Variants in ABHD2 observed in about 807,000 individuals in gnomAD.
The protein encoded by ABHD2 is monoacylglycerol lipase ABHD2.
ABHD2 carries 20 observed loss-of-function variants against 48.1 expected under a neutral mutation model. The observed-to-expected ratio is 0.42, with a 90% CI of 0.29 to 0.60. ABHD2 has a LOEUF of 0.60. ABHD2 is among the 20% of genes least tolerant of loss of function. ABHD2 has a pLI of 0.24. For missense variants in ABHD2, 405 were observed against 550.9 expected (o/e 0.74, Z 2.65); for synonymous variants, 209 against 214.2 (o/e 0.98, Z 0.21).
the ABHD2 span, among the ~76,000 whole-genome samples, chr15:89,060,041 GC>G: frequency 1.4e-5 from 2 of 145,608 alleles, no homozygotes; most frequent in Non-Finnish European, 3.0e-5. Flanking sequence ...TCATTGAAAA[GC>G]TTGTCCCTTC....
At chr15:89,154,492 A>ATC (rs199988887) in intron 4 of ABHD2, among the ~76,000 whole-genome samples, 2,139 of 152,258 alleles carry the variant, frequency 0.014, 30 homozygotes, top group Admixed American at 0.019. Context: ...CAGTGAAAGT[A>ATC]TCTCTCTCTC....
chr15:89,190,812 G>A (rs77878689), intron 8 of ABHD2, among the ~76,000 whole-genome samples: 216 of 152,228 alleles, frequency 1.4e-3, no homozygotes, highest in Non-Finnish European at 2.5e-3. Context: ...GTAAATAACC[G>A]AAGCAGGATT....
the ABHD2 span, among the ~76,000 whole-genome samples, chr15:89,072,497 G>T: frequency 1.4e-5 from 2 of 144,714 alleles, no homozygotes; most frequent in Non-Finnish European, 3.0e-5. Context: ...GGAGGGGAAG[G>T]AGAAGGGGAA....
At chr15:89,068,430 C>G in the ABHD2 span, among the ~76,000 whole-genome samples, 6 of 152,154 alleles carry the variant, frequency 3.9e-5, no homozygotes, top group African/African-American at 1.4e-4. Context: ...CTGAGAATGA[C>G]TCAACAATTG....
At chr15:89,043,751 A>G in the ABHD2 span, among the ~76,000 whole-genome samples, 1 of 145,734 alleles carries the variant, frequency 6.9e-6, no homozygotes, top group African/African-American at 2.6e-5. Flanking sequence ...AGGAGGAGGA[A>G]GAGGAGAAGA....
At chr15:89,157,626 G>A (rs201965170) in intron 5 of ABHD2, among the ~76,000 whole-genome samples, 3 of 152,222 alleles carry the variant, frequency 2.0e-5, no homozygotes, top group Admixed American at 6.5e-5. Context: ...GGCAGATCAC[G>A]AGGTCAGGAG....
intron 1 of ABHD2, among the ~76,000 whole-genome samples, chr15:89,110,437 C>T (rs750002347): frequency 1.6e-4 from 25 of 152,214 alleles, no homozygotes; most frequent in East Asian, 7.7e-4. Flanking sequence ...GTACTTCATT[C>T]GCTAAGGCTG....
Position 89,155,292 on chromosome 15 carries a change from C to G in ABHD2, c.371-75C>G, listed in dbSNP as rs1348381606. 1.3e-5 allele frequency: 19 copies of G among 1,479,530 alleles called. No individual in the cohort carries two copies. Among genetic ancestry groups the G allele is most frequent in the Non-Finnish European group, 1.6e-5 (17 of 1,077,144 alleles). 91.7% of individuals were successfully genotyped at this position (1,479,530 alleles called of 1,614,324 possible). A position where few individuals can be genotyped will look rare whatever the true frequency, so the allele number is the denominator to read the frequency against. The stretch of plus-strand genomic sequence containing the variant: ...AATTCCCTCCCCTTGTTTTCTAGAC[C>G]AGTGAAGTGTAATTATGTCCATTTA... On this transcript the variant is annotated intron_variant, in intron 4 of 10. Coordinates refer to ENST00000352732, the MANE Select transcript of ABHD2 (RefSeq NM_152924.5). This position sits in a 1 kb window ranked among gnomAD's most constrained non-coding sequence, Gnocchi z 4.9.
Position 89,116,467 on chromosome 15 carries a change from A to G in ABHD2, c.140A>G (p.Gln47Arg), listed in dbSNP as rs2150815239. 1 of 1,614,202 alleles carries G rather than the reference A, an allele frequency of 6.2e-7. No individual in the cohort carries two copies. Residue 47 changes from glutamine (Q) to arginine (R), a missense_variant, in exon 3 of 11, where the codon CAG (glutamine) becomes CGG (arginine). Coordinates refer to ENST00000352732, the MANE Select transcript of ABHD2 (RefSeq NM_152924.5). The surrounding 1 kb of genome is among the most constrained non-coding windows in gnomAD (Gnocchi z 4.6). ...ACAGCCCCACCTGACCTCTACTTCC[A>G]GGACTCGGGGCTCTCACGCTTTCTG... Reference protein sequence around the residue: ...SPTAPPDLYFQDSGLSRFLLK... With the variant: ...SPTAPPDLYFRDSGLSRFLLK...
chr15:89,169,201 A>G (rs2050882059), intron 5 of ABHD2, among the ~76,000 whole-genome samples: 1 of 152,236 alleles, frequency 6.6e-6, no homozygotes, highest in Admixed American at 6.5e-5. Flanking sequence ...TAGATTTGTG[A>G]TATAAGGCAA....
Position 89,185,345 on chromosome 15 carries a change from C to T in ABHD2, c.723-79C>T. On this transcript the variant is annotated intron_variant, in intron 6 of 10. Transcript: ENST00000352732. This position sits in a 1 kb window ranked among gnomAD's most constrained non-coding sequence, Gnocchi z 5.9. ...GGCCCTCTCCACACAAGCACCTCAC[C>T]CCATGGCTAGAGCCCCCTCCTGGCT... 8.9e-7 allele frequency: 1 copy of T among 1,126,464 alleles called. No individual in the cohort carries two copies. Among genetic ancestry groups the T allele is most frequent in the South Asian group, 1.3e-5 (1 of 78,138 alleles). 69.8% of individuals were successfully genotyped at this position (1,126,464 alleles called of 1,614,324 possible).
chr15:89,190,970 C>G, intron 8 of ABHD2, 110 bp from the exon 9 acceptor site: 1 of 1,022,650 alleles, frequency 9.8e-7, no homozygotes, highest in Admixed American at 2.0e-5. Flanking sequence ...TCTACTCTAC[C>G]AATGCCACAA....
chr15:89,185,382 C>T lies in ABHD2; in HGVS notation c.723-42C>T, dbSNP rs185898664. 12 of 1,568,572 alleles carry T rather than the reference C, an allele frequency of 7.7e-6. No individual in the cohort carries two copies. In the Admixed American group the frequency reaches 1.5e-4, roughly 20 times the overall value. On this transcript the variant is annotated intron_variant, in intron 6 of 10. Transcript: ENST00000352732. This position sits in a 1 kb window ranked among gnomAD's most constrained non-coding sequence, Gnocchi z 5.9. ...GCCCCCTCCTGGCTGCCCGCCTGCA[C>T]CCCCACACCGCAGTCACCCTCACTC... is the stretch of plus-strand genomic sequence containing the variant.
Position 89,175,165 on chromosome 15 carries a change from C to T in ABHD2, c.539-647C>T, listed in dbSNP as rs1414129790. 6.6e-6 allele frequency among the ~76,000 whole-genome samples: 1 copy of T among 152,180 alleles called. No individual in the cohort carries two copies. ...CATCATACACATGGGTATAGCATCC[C>T]AATTTGTAGCCTAGGAAGCTAATCT... On this transcript the variant is annotated intron_variant, in intron 5 of 10. Transcript: ENST00000352732. This position sits in a 1 kb window ranked among gnomAD's most constrained non-coding sequence, Gnocchi z 5.7.
rs2050865152 is a variant in ABHD2, at chr15:89,168,141, A to G, written c.539-7671A>G. ...CATTTGGGGAAGTGGCTGTTGAAAT[A>G]ATAGCTTTCAGGCAGCCTTTGCCTT... is the stretch of plus-strand genomic sequence containing the variant. On this transcript the variant is annotated intron_variant, in intron 5 of 10. Transcript: ENST00000352732. The surrounding 1 kb of genome is among the most constrained non-coding windows in gnomAD (Gnocchi z 4.8). Among the ~76,000 whole-genome samples, 1 of 152,180 alleles carries G rather than the reference A, an allele frequency of 6.6e-6. No individual in the cohort carries two copies. Among genetic ancestry groups the G allele is most frequent in the South Asian group, 2.1e-4 (1 of 4,824 alleles).
At chr15:89,141,143 A>G (rs576039483) in intron 3 of ABHD2, among the ~76,000 whole-genome samples, 1 of 151,184 alleles carries the variant, frequency 6.6e-6, no homozygotes, top group South Asian at 2.1e-4. Context: ...TAATTAATTA[A>G]TTAATTAATT....
At position 89,102,711 on chromosome 15, in the gene ABHD2, C is replaced by T. The variant is rs427533; in HGVS notation, c.-106-11014C>T. 49,006 of 152,212 alleles carry T rather than the reference C, an allele frequency of 0.32. 8,972 individuals carry two copies. Among genetic ancestry groups the T allele is most frequent in the Non-Finnish European group, 0.43 (29,200 of 68,012 alleles). 9.4% of individuals were successfully genotyped at this position (152,212 alleles called of 1,614,324 possible). The stretch of plus-strand genomic sequence containing the variant: ...GGCAAGACGAATGTATTGGGAAAGC[C>T]CAGCGGAGGAAGAGCTCCTGAGGAG... On this transcript the variant is annotated intron_variant, in intron 1 of 10. Coordinates refer to ENST00000352732, the MANE Select transcript of ABHD2 (RefSeq NM_152924.5). This position sits in a 1 kb window ranked among gnomAD's most constrained non-coding sequence, Gnocchi z 4.8.
At chr15:89,160,492 GTT>G (rs34084756) in intron 5 of ABHD2, among the ~76,000 whole-genome samples, 9 of 144,076 alleles carry the variant, frequency 6.2e-5, no homozygotes, top group African/African-American at 1.8e-4. Context: ...CTGCCTACCT[GTT>G]TTTTTTTTTT....
At chr15:89,193,617 C>T (rs142635811) in intron 10 of ABHD2, among the ~76,000 whole-genome samples, 2,779 of 152,100 alleles carry the variant, frequency 0.018, 93 homozygotes, top group African/African-American at 0.063. Flanking sequence ...GGTTAGGGTT[C>T]CCCTAAGTTT....
Sources: gnomAD v4.1 joint callset for allele counts (sites outside exome capture counted in the v4.1 genomes callset) on GRCh38, gnomAD v4.1.1 for gene constraint, Gnocchi (gnomAD v3.1) non-coding constraint, MANE v1.5 for transcripts, NCBI Gene and HGNC (gene_info 2026-07-23, HGNC 2026-07-21) for gene names.